The following VPS26C variants were observed in gnomAD, a reference collection of about 807,000 sequenced individuals.
VPS26C encodes VPS26 endosomal protein sorting factor C, also known as vacuolar protein sorting-associated protein 26C.
A neutral mutation model predicts 30.6 loss-of-function variants in VPS26C; 19 were observed. The ratio of observed to expected loss-of-function variants is 0.62; its 90% CI spans 0.43 to 0.91. The LOEUF is 0.91. Among genes scored for constraint, VPS26C ranks in the 40% least tolerant of loss-of-function variants. The pLI is 0.00. For synonymous variants in VPS26C, 132 were observed against 151.5 expected, an observed-to-expected ratio of 0.87 and a Z score of 0.95; for missense variants, 318 against 385.1, an observed-to-expected ratio of 0.83 and a Z score of 1.46.
chr21:37,225,097 T>C lies in VPS26C; in HGVS notation c.*447A>G, dbSNP rs947412314. The C allele has an allele frequency of 1.1e-5, 2 of 174,666 alleles. No homozygotes were observed. Among genetic ancestry groups the C allele is most frequent in the East Asian group, 1.4e-4 (1 of 7,094 alleles). The allele number at this position is 174,666 out of a possible 1,614,324, so 10.8% of individuals were successfully genotyped here. A position where few individuals can be genotyped will look rare whatever the true frequency, so the allele number is the denominator to read the frequency against. On this transcript the variant is annotated 3_prime_UTR_variant, in exon 8 of 8. Transcript: ENST00000309117. Reference sequence around the variant, plus strand: ...CAAACTTCCTGACCATCAAGTGCGCTTGCAGCCATCCTGGATGTCAACTGG... The same window carrying C: ...CAAACTTCCTGACCATCAAGTGCGCCTGCAGCCATCCTGGATGTCAACTGG...
At position 37,225,194 on chromosome 21, in the gene VPS26C, T is replaced by C. The variant is rs1347041127; in HGVS notation, c.*350A>G. The C allele has an allele frequency of 1.3e-4, 35 of 273,594 alleles. No homozygotes were observed. In the Admixed American group the frequency reaches 1.5e-3, roughly 12 times the overall value. The allele number at this position is 273,594 out of a possible 1,614,324, so 16.9% of individuals were successfully genotyped here. A position where few individuals can be genotyped will look rare whatever the true frequency, so the allele number is the denominator to read the frequency against. ...AGTCAGAGGTTTCCTTTTGTCCCCA[T>C]GATGCCACTCTCCAGCAAGCTCAAA... On this transcript the variant is annotated 3_prime_UTR_variant, in exon 8 of 8. Coordinates refer to ENST00000309117, the MANE Select transcript of VPS26C (RefSeq NM_006052.2).
chr21:37,259,956 T>C (rs183516768), intron 1 of VPS26C, among the ~76,000 whole-genome samples: 2 of 152,236 alleles, frequency 1.3e-5, no homozygotes, highest in East Asian at 1.9e-4. Context: ...CCACGAGGTG[T>C]TGGAAGCTAG....
chr21:37,254,510 T>TAAAG (rs1382716043), intron 1 of VPS26C, among the ~76,000 whole-genome samples: 1 of 151,402 alleles, frequency 6.6e-6, no homozygotes, highest in Non-Finnish European at 1.5e-5. Flanking sequence ...AACAAGTAAG[T>TAAAG]AAAGAAAGAA....
In VPS26C at chr21:37,246,218, A is replaced by C. The variant is rs189973689; in HGVS notation, c.58-5579T>G. 7.6e-4 allele frequency among the ~76,000 whole-genome samples: 116 copies of C among 152,264 alleles called. 1 individual carries two copies. The highest frequency in any genetic ancestry group is 2.7e-3 in the African/African-American group (113 of 41,566). On this transcript the variant is annotated intron_variant, in intron 1 of 7. Coordinates refer to ENST00000309117, the MANE Select transcript of VPS26C (RefSeq NM_006052.2). ...AAAGTGTTCTCATTCAAAAAAGAAA[A>C]TATCCTTTTGGAGTCAGGAAAAAAG...
intron 1 of VPS26C, chr21:37,261,672 T>C (rs2086305650): frequency 6.6e-6 from 1 of 151,560 alleles, no homozygotes; most frequent in African/African-American, 2.4e-5. Flanking sequence ...AAATGGAAAT[T>C]AGAAGATATT....
At chr21:37,244,587 T>C (rs1314219544) in intron 1 of VPS26C, among the ~76,000 whole-genome samples, 3 of 152,350 alleles carry the variant, frequency 2.0e-5, no homozygotes, top group African/African-American at 7.2e-5. Context: ...CTTTTTCTTA[T>C]TTGTTCTCTG....
chr21:37,254,110 C>T (rs887729330), intron 1 of VPS26C, among the ~76,000 whole-genome samples: 2 of 152,080 alleles, frequency 1.3e-5, no homozygotes, highest in South Asian at 2.1e-4. Flanking sequence ...AAGTAATGAC[C>T]GTGGAACACA....
chr21:37,225,178 T>G lies in VPS26C; in HGVS notation c.*366A>C. 1 of 247,708 alleles carries G rather than the reference T, an allele frequency of 4.0e-6. No homozygotes were observed. The highest frequency in any genetic ancestry group is 5.8e-5 in the South Asian group (1 of 17,166). 15.3% of individuals were successfully genotyped at this position (247,708 alleles called of 1,614,324 possible). ...GCTACATCCATTAGCAAGTCAGAGG[T>G]TTCCTTTTGTCCCCATGATGCCACT... On this transcript the variant is annotated 3_prime_UTR_variant, in exon 8 of 8. Coordinates refer to ENST00000309117, the MANE Select transcript of VPS26C (RefSeq NM_006052.2).
chr21:37,240,002 A>C (rs534214171), intron 2 of VPS26C, among the ~76,000 whole-genome samples: 53 of 152,364 alleles, frequency 3.5e-4, no homozygotes, highest in African/African-American at 1.1e-3. Flanking sequence ...ATATACTTAG[A>C]AACAAAGTAT....
chr21:37,267,224 C>CCCCCCCCCAA lies in VPS26C; in HGVS notation c.57+13_57+14insTTGGGGGGGG. 3 of 1,541,548 alleles carry CCCCCCCCCAA rather than the reference C, an allele frequency of 1.9e-6. No individual in the cohort carries two copies. The highest frequency in any genetic ancestry group is 2.7e-6 in the Non-Finnish European group (3 of 1,118,028). ...CCAACCCCACCTCCATCCCCACCCC[C>CCCCCCCCCAA]AGCCCCCACTTACCCCGGCGTGATA... is the stretch of plus-strand genomic sequence containing the variant. On this transcript the variant is annotated intron_variant, in intron 1 of 7. Coordinates refer to ENST00000309117, the MANE Select transcript of VPS26C (RefSeq NM_006052.2).
At chr21:37,236,562 G>T (rs2086026847) in intron 3 of VPS26C, among the ~76,000 whole-genome samples, 1 of 152,052 alleles carries the variant, frequency 6.6e-6, no homozygotes, top group Non-Finnish European at 1.5e-5. Flanking sequence ...TGCGCAATGA[G>T]GTATTTTGAG....
intron 1 of VPS26C, among the ~76,000 whole-genome samples, chr21:37,245,185 G>C (rs989538729): frequency 1.3e-5 from 2 of 152,168 alleles, no homozygotes; most frequent in Non-Finnish European, 2.9e-5. Flanking sequence ...AGGAAGGAGG[G>C]GAAGTGAGGA....
intron 1 of VPS26C, among the ~76,000 whole-genome samples, chr21:37,262,838 G>C (rs2086319253): frequency 6.6e-6 from 1 of 151,490 alleles, no homozygotes; most frequent in South Asian, 2.1e-4. Flanking sequence ...TGTGATCTTG[G>C]CTTACTGCAA....
intron 1 of VPS26C, among the ~76,000 whole-genome samples, chr21:37,240,939 G>A (rs1310331664): frequency 6.6e-6 from 1 of 152,190 alleles, no homozygotes; most frequent in African/African-American, 2.4e-5. Context: ...CTCAACAGAT[G>A]TCTGAATTCA....
intron 1 of VPS26C, among the ~76,000 whole-genome samples, chr21:37,246,095 A>C (rs2086135776): frequency 6.6e-6 from 1 of 152,188 alleles, no homozygotes; most frequent in African/African-American, 2.4e-5. Flanking sequence ...CAAATAAGAA[A>C]ACTGAAATAA....
intron 5 of VPS26C, chr21:37,230,862 T>C (rs896350230): frequency 1.3e-5 from 2 of 152,384 alleles, no homozygotes; most frequent in African/African-American, 2.4e-5. Flanking sequence ...GCTCACCAGA[T>C]GGGGGAAGCT....
intron 2 of VPS26C, 130 bp downstream of exon 2, chr21:37,240,366 C>G (rs1569235385): frequency 1.0e-6 from 1 of 973,040 alleles, no homozygotes; most frequent in Non-Finnish European, 1.5e-6. Context: ...CTCAAGCGAT[C>G]CTCCCGCCTT....
chr21:37,267,290 C>G lies in VPS26C; in HGVS notation c.5G>C (p.Gly2Ala), dbSNP rs766206465. M[G>A]TALDIKIKRA... ...TTTAATCTTGATGTCCAGGGCGGTC[C>G]CCATCTCCAATTCTCCGCAGCAGCC... Residue 2 changes from glycine (G) to alanine (A), a missense_variant, in exon 1 of 8, where the codon GGG (glycine) becomes GCG (alanine). Transcript: ENST00000309117. The G allele has an allele frequency of 1.3e-6, 2 of 1,594,760 alleles. No homozygotes were observed. Among genetic ancestry groups the G allele is most frequent in the African/African-American group, 2.7e-5 (2 of 73,964 alleles).
chr21:37,225,524 C>T lies in VPS26C; in HGVS notation c.*20G>A, dbSNP rs1336184252. On this transcript the variant is annotated 3_prime_UTR_variant, in exon 8 of 8. Transcript: ENST00000309117. ...ATTTCCAGATGGCCACTCCCGTTCT[C>T]TATGCTTCCCTCCTCCGGGCTATAT... The T allele has an allele frequency of 2.5e-6, 4 of 1,610,830 alleles. No homozygotes were observed. Among genetic ancestry groups the T allele is most frequent in the Non-Finnish European group, 2.5e-6 (3 of 1,177,118 alleles).
Sources: allele counts gnomAD v4.1 joint callset (sites outside exome capture counted in the v4.1 genomes callset), GRCh38; gene constraint gnomAD v4.1.1; transcripts MANE v1.5; gene names NCBI Gene and HGNC (gene_info 2026-07-23, HGNC 2026-07-21).